Variants in CADM2 observed in about 807,000 individuals in gnomAD.
CADM2 encodes the protein cell adhesion molecule 2, also known as immunoglobulin superfamily member 4D.
Under a neutral mutation model 49.8 loss-of-function variants are expected in CADM2, and 12 were observed. The ratio of observed to expected loss-of-function variants is 0.24; its 90% CI spans 0.15 to 0.39. The LOEUF is 0.39. Ranked by LOEUF, CADM2 falls within the 10% of genes least tolerant of loss-of-function variation. CADM2 has a pLI of 1.00. For missense variants in CADM2, 378 were observed against 492.3 expected, an observed-to-expected ratio of 0.77 and a Z score of 2.20; for synonymous variants, 214 against 175.4, an observed-to-expected ratio of 1.22 and a Z score of -1.74.
chr3:85,496,160 C>T (rs2039883164), intron 1 of CADM2, among the ~76,000 whole-genome samples: 1 of 152,250 alleles, frequency 6.6e-6, no homozygotes, highest in East Asian at 1.9e-4. Flanking sequence ...AGATAGTGAA[C>T]ATAGTAACCA....
chr3:85,915,945 G>C (rs796979150), intron 6 of CADM2, among the ~76,000 whole-genome samples: 2 of 152,050 alleles, frequency 1.3e-5, no homozygotes, highest in Non-Finnish European at 2.9e-5. Flanking sequence ...AGAAACCTAA[G>C]TTTGGTGAGC....
At chr3:85,229,823 G>T (rs1476891354) in intron 1 of CADM2, among the ~76,000 whole-genome samples, 1 of 152,080 alleles carries the variant, frequency 6.6e-6, no homozygotes, top group Non-Finnish European at 1.5e-5. Context: ...GCCTTTCTTG[G>T]CTCCGTTTGT....
At chr3:85,401,336 G>C (rs750102225) in intron 1 of CADM2, among the ~76,000 whole-genome samples, 2 of 152,168 alleles carry the variant, frequency 1.3e-5, no homozygotes, top group Non-Finnish European at 2.9e-5. Flanking sequence ...CTGCCAGAGA[G>C]ATACTAGAAG....
chr3:85,658,617 T>TATATATATATAC (rs1553656741), intron 1 of CADM2, among the ~76,000 whole-genome samples: 5 of 125,090 alleles, frequency 4.0e-5, no homozygotes, highest in South Asian at 5.3e-4. Flanking sequence ...TATATATATA[T>TATATATATATAC]ACATGTATGC....
chr3:85,679,738 C>T (rs2065987963), intron 1 of CADM2, among the ~76,000 whole-genome samples: 1 of 152,134 alleles, frequency 6.6e-6, no homozygotes, highest in African/African-American at 2.4e-5. Flanking sequence ...CCCGGGGCTG[C>T]ACTGAGCTTA....
intron 1 of CADM2, among the ~76,000 whole-genome samples, chr3:85,363,734 C>A (rs981878047): frequency 7.2e-5 from 11 of 152,192 alleles, no homozygotes; most frequent in Non-Finnish European, 1.2e-4. Flanking sequence ...GCCTCAGCCT[C>A]CCGAATAGCT....
chr3:85,230,770 G>A lies in CADM2; in HGVS notation c.61+271102G>A, dbSNP rs543581010. 2.0e-5 allele frequency among the ~76,000 whole-genome samples: 3 copies of A among 152,230 alleles called. No individual in the cohort carries two copies. In the East Asian group the frequency reaches 5.8e-4, roughly 29 times the overall value. The stretch of plus-strand genomic sequence containing the variant: ...TAAAATATCCTAAGTACAAGAAAGA[G>A]TTGTTTTTTTGTGTGTTTGTTTTCT... On this transcript the variant is annotated intron_variant, in intron 1 of 9. Coordinates refer to ENST00000383699, the MANE Select transcript of CADM2 (RefSeq NM_001167675.2).
At chr3:85,034,144 A>C (rs977851805) in intron 1 of CADM2, among the ~76,000 whole-genome samples, 1 of 152,154 alleles carries the variant, frequency 6.6e-6, no homozygotes, top group African/African-American at 2.4e-5. Context: ...ATAGTCTTCT[A>C]GTTATTTTTA....
At chr3:85,381,312 A>G (rs113124868) in intron 1 of CADM2, among the ~76,000 whole-genome samples, 4,152 of 151,526 alleles carry the variant, frequency 0.027, 190 homozygotes, top group African/African-American at 0.093. Flanking sequence ...ATTGATGAAA[A>G]ACAAACTTCA....
intron 1 of CADM2, among the ~76,000 whole-genome samples, chr3:85,608,912 C>A (rs1576923649): frequency 6.6e-6 from 1 of 152,032 alleles, no homozygotes; most frequent in Non-Finnish European, 1.5e-5. Flanking sequence ...TCTCAGCATA[C>A]CTGAGTTTGG....
At chr3:85,047,291 T>C (rs999704801) in intron 1 of CADM2, among the ~76,000 whole-genome samples, 1 of 152,130 alleles carries the variant, frequency 6.6e-6, no homozygotes, top group Non-Finnish European at 1.5e-5. Flanking sequence ...CTTCGTGACC[T>C]ACCAGTTCTT....
chr3:84,974,937 GTTGA>G (rs990434646), intron 1 of CADM2, among the ~76,000 whole-genome samples: 3 of 151,740 alleles, frequency 2.0e-5, no homozygotes, highest in Non-Finnish European at 3.0e-5. Context: ...TACAGTTTGG[GTTGA>G]TTTAGTGTAA....
intron 3 of CADM2, among the ~76,000 whole-genome samples, chr3:85,882,351 G>T (rs1712945001): frequency 6.6e-6 from 1 of 152,006 alleles, no homozygotes; most frequent in Non-Finnish European, 1.5e-5. Context: ...TGATATTGTT[G>T]GATGGATTCT....
At chr3:85,260,165 A>C (rs935128895) in intron 1 of CADM2, among the ~76,000 whole-genome samples, 3 of 152,150 alleles carry the variant, frequency 2.0e-5, no homozygotes, top group Non-Finnish European at 4.4e-5. Context: ...AAAATGATTT[A>C]AATTAGTTTG....
At chr3:86,044,689 A>G (rs1031148569) in intron 8 of CADM2, among the ~76,000 whole-genome samples, 5 of 152,152 alleles carry the variant, frequency 3.3e-5, no homozygotes, top group African/African-American at 4.8e-5. Flanking sequence ...AATACCATTT[A>G]ACCCAGCCAT....
chr3:85,734,226 T>C (rs2068043271), intron 2 of CADM2, among the ~76,000 whole-genome samples: 1 of 152,166 alleles, frequency 6.6e-6, no homozygotes, highest in Non-Finnish European at 1.5e-5. Context: ...TTCTAGGGTC[T>C]GTTCAATTAT....
chr3:85,435,026 CA>C (rs2036860508), intron 1 of CADM2, among the ~76,000 whole-genome samples: 1 of 151,798 alleles, frequency 6.6e-6, no homozygotes, highest in African/African-American at 2.4e-5. Context: ...TATTTTATTT[CA>C]TTTTTTATTA....
At chr3:85,484,755 C>G (rs1247624922) in intron 1 of CADM2, among the ~76,000 whole-genome samples, 1 of 151,934 alleles carries the variant, frequency 6.6e-6, no homozygotes, top group East Asian at 1.9e-4. Context: ...CTTTGATATT[C>G]TTTATCCTTA....
At chr3:85,081,487 G>T (rs565879990) in intron 1 of CADM2, among the ~76,000 whole-genome samples, 3 of 152,210 alleles carry the variant, frequency 2.0e-5, no homozygotes, top group South Asian at 2.1e-4. Context: ...CATAAACTTT[G>T]GCCTGGTTAT....
Sources: allele counts gnomAD v4.1 joint callset (sites outside exome capture counted in the v4.1 genomes callset), GRCh38; gene constraint gnomAD v4.1.1; transcripts MANE v1.5; gene names NCBI Gene and HGNC (gene_info 2026-07-23, HGNC 2026-07-21).